Variants in MARCHF1 observed in about 807,000 individuals in gnomAD.
The protein encoded by MARCHF1 is membrane associated ring-CH-type finger 1.
A neutral mutation model predicts 54.2 loss-of-function variants in MARCHF1; 40 were observed. That is an observed-to-expected ratio of 0.74 (90% CI 0.57 to 0.96). The LOEUF (loss-of-function observed/expected upper bound fraction) is 0.96. Ranked by LOEUF, MARCHF1 falls within the 40% of genes least tolerant of loss-of-function variation. The pLI is 0.00. For missense variants in MARCHF1, 586 were observed against 656.5 expected, an observed-to-expected ratio of 0.89 and a Z score of 1.17; for synonymous variants, 236 against 236.3, an observed-to-expected ratio of 1.00 and a Z score of 0.01.
intron 3 of MARCHF1, among the ~76,000 whole-genome samples, chr4:163,974,995 T>C (rs948104387): frequency 1.3e-5 from 2 of 152,098 alleles, no homozygotes; most frequent in Non-Finnish European, 1.5e-5. Context: ...ATCTGGGACA[T>C]AGGATTTTTT....
intron 4 of MARCHF1, among the ~76,000 whole-genome samples, chr4:163,798,291 A>T (rs1224818070): frequency 6.6e-6 from 1 of 152,182 alleles, no homozygotes; most frequent in African/African-American, 2.4e-5. Context: ...TCTGCAAGCC[A>T]GGAAGGGAAA....
chr4:163,636,893 C>A (rs1742350546), intron 5 of MARCHF1, among the ~76,000 whole-genome samples: 1 of 152,348 alleles, frequency 6.6e-6, no homozygotes, highest in South Asian at 2.1e-4. Flanking sequence ...GGTACCAAAA[C>A]AGAGATACAG....
chr4:163,905,349 T>C (rs1228667577), intron 3 of MARCHF1, among the ~76,000 whole-genome samples: 4 of 152,098 alleles, frequency 2.6e-5, no homozygotes, highest in Non-Finnish European at 4.4e-5. Flanking sequence ...GAGCCACATA[T>C]GAATCTAGAA....
chr4:164,207,391 G>A (rs753686676), intron 1 of MARCHF1, among the ~76,000 whole-genome samples: 27 of 152,160 alleles, frequency 1.8e-4, no homozygotes, highest in Non-Finnish European at 3.1e-4. Flanking sequence ...TACAGGCACC[G>A]GCAGTGAATC....
At chr4:164,308,852 G>T (rs1734767114) in intron 1 of MARCHF1, among the ~76,000 whole-genome samples, 1 of 151,466 alleles carries the variant, frequency 6.6e-6, no homozygotes, top group African/African-American at 2.4e-5. Context: ...TAACTATTGA[G>T]TACAAGGCTT....
At chr4:164,199,449 C>T (rs1579617109) in intron 1 of MARCHF1, among the ~76,000 whole-genome samples, 1 of 152,062 alleles carries the variant, frequency 6.6e-6, no homozygotes, top group Admixed American at 6.6e-5. Context: ...CAAGACCAGC[C>T]TGGCCAACAT....
At chr4:164,102,163 G>A (rs1206262018) in intron 2 of MARCHF1, among the ~76,000 whole-genome samples, 80 of 97,640 alleles carry the variant, frequency 8.2e-4, no homozygotes, top group South Asian at 1.1e-3. Flanking sequence ...GTGATGGGGA[G>A]AATGGAACCA....
intron 1 of MARCHF1, among the ~76,000 whole-genome samples, chr4:164,130,805 G>A (rs1168968281): frequency 6.6e-6 from 1 of 152,120 alleles, no homozygotes; most frequent in Non-Finnish European, 1.5e-5. Flanking sequence ...ATTTTCCCCA[G>A]CATAAATTAA....
At chr4:164,098,692 G>T (rs937864458) in intron 2 of MARCHF1, among the ~76,000 whole-genome samples, 13 of 152,210 alleles carry the variant, frequency 8.5e-5, no homozygotes, top group African/African-American at 3.1e-4. Flanking sequence ...GATCTGTTCA[G>T]TCACAGAAGA....
chr4:163,984,954 C>T (rs1330481318), intron 3 of MARCHF1, among the ~76,000 whole-genome samples: 2 of 152,068 alleles, frequency 1.3e-5, no homozygotes, highest in East Asian at 1.9e-4. Context: ...AAAGCTTTCC[C>T]GAGAATGTGG....
chr4:164,164,526 G>A lies in MARCHF1; in HGVS notation c.-322-52864C>T, dbSNP rs111740496. Among the ~76,000 whole-genome samples, 630 of 152,118 alleles carry A rather than the reference G, an allele frequency of 4.1e-3. 2 individuals carry two copies. Among genetic ancestry groups the A allele is most frequent in the African/African-American group, 0.014 (579 of 41,536 alleles). On this transcript the variant is annotated intron_variant, in intron 1 of 9. Coordinates refer to ENST00000514618, the MANE Select transcript of MARCHF1 (RefSeq NM_001394959.1). ...AAGAAAACCCTGAAAACTTCTAGCCGTATTCAGAAATGATATAAATAAGTT... is the reference window on the plus strand; with the variant it reads ...AAGAAAACCCTGAAAACTTCTAGCCATATTCAGAAATGATATAAATAAGTT...
chr4:164,021,780 G>A (rs1216992105), intron 2 of MARCHF1, among the ~76,000 whole-genome samples: 1 of 151,824 alleles, frequency 6.6e-6, no homozygotes, highest in Non-Finnish European at 1.5e-5. Flanking sequence ...CTTGAACCTG[G>A]GAGGCGGAGG....
At chr4:163,978,402 T>C (rs1293551678) in intron 3 of MARCHF1, among the ~76,000 whole-genome samples, 1 of 152,240 alleles carries the variant, frequency 6.6e-6, no homozygotes, top group African/African-American at 2.4e-5. Context: ...TTAGCACTTT[T>C]GTTTATCAAG....
rs148113531 is a variant in MARCHF1, at chr4:163,555,976, G to A, written c.1192-10233C>T. 2.5e-3 allele frequency: 1,136 copies of A among 456,056 alleles called. 16 individuals carry two copies. Among genetic ancestry groups the A allele is most frequent in the African/African-American group, 0.02 (987 of 50,118 alleles). 28.3% of individuals were successfully genotyped at this position (456,056 alleles called of 1,614,324 possible). On this transcript the variant is annotated intron_variant, in intron 8 of 9. Coordinates refer to ENST00000514618, the MANE Select transcript of MARCHF1 (RefSeq NM_001394959.1). ...TGTACTAAGCAGAAGCACAGACACT[G>A]GGAAGATTAAAAGAGAAAAGCTTTT...
chr4:163,818,422 T>C (rs1267063319), intron 4 of MARCHF1, among the ~76,000 whole-genome samples: 2 of 152,100 alleles, frequency 1.3e-5, no homozygotes, highest in Non-Finnish European at 2.9e-5. Context: ...TTCTGTGGAA[T>C]TTTGTACACT....
At chr4:163,567,848 G>A (rs11932309) in intron 8 of MARCHF1, among the ~76,000 whole-genome samples, 4,922 of 151,608 alleles carry the variant, frequency 0.032, 288 homozygotes, top group African/African-American at 0.11. Flanking sequence ...TTTTTGAGAC[G>A]TATGCCATAT....
chr4:163,884,103 G>C (rs1233595763), intron 3 of MARCHF1, among the ~76,000 whole-genome samples: 2 of 152,132 alleles, frequency 1.3e-5, no homozygotes, highest in Non-Finnish European at 2.9e-5. Flanking sequence ...CTGAGCAAAG[G>C]AGTTGATGGT....
intron 1 of MARCHF1, among the ~76,000 whole-genome samples, chr4:164,262,439 CTTTTA>C (rs964862799): frequency 1.3e-5 from 2 of 152,124 alleles, no homozygotes; most frequent in African/African-American, 4.8e-5. Flanking sequence ...AGACAGTCTC[CTTTTA>C]TTTTGATGAC....
chr4:164,314,796 C>T (rs562252600), intron 1 of MARCHF1, among the ~76,000 whole-genome samples: 16 of 152,156 alleles, frequency 1.1e-4, no homozygotes, highest in East Asian at 5.8e-4. Context: ...CTCTACTGTA[C>T]GTCAGATACT....
Sources: allele counts gnomAD v4.1 joint callset (sites outside exome capture counted in the v4.1 genomes callset), GRCh38; gene constraint gnomAD v4.1.1; transcripts MANE v1.5; gene names NCBI Gene and HGNC (gene_info 2026-07-23, HGNC 2026-07-21).